Variants in RANBP9 observed in about 807,000 individuals in gnomAD.
The protein encoded by RANBP9 is RAN binding protein 9, also known as ran-binding protein 9.
A neutral mutation model predicts 84.3 loss-of-function variants in RANBP9; 15 were observed. The observed-to-expected ratio is 0.18, with a 90% CI of 0.12 to 0.27. The LOEUF (loss-of-function observed/expected upper bound fraction) is 0.27. Among genes scored for constraint, RANBP9 ranks in the 10% least tolerant of loss-of-function variants. The pLI is 1.00. For synonymous variants in RANBP9, 392 were observed against 349.6 expected (o/e 1.12, Z -1.35); for missense variants, 809 against 912.8 (o/e 0.89, Z 1.46).
chr6:13,666,324 T>A (rs1025448989), intron 2 of RANBP9, among the ~76,000 whole-genome samples: 1 of 150,618 alleles, frequency 6.6e-6, no homozygotes, highest in East Asian at 1.9e-4. Context: ...GACATACGAG[T>A]TTCAAAAAAA....
At chr6:13,706,741 C>T (rs1758134013) in intron 1 of RANBP9, among the ~76,000 whole-genome samples, 1 of 151,552 alleles carries the variant, frequency 6.6e-6, no homozygotes, top group South Asian at 2.1e-4. Flanking sequence ...GTGGCTCATG[C>T]CTGTAATCCC....
intron 2 of RANBP9, among the ~76,000 whole-genome samples, chr6:13,675,770 A>G (rs2113317341): frequency 6.6e-6 from 1 of 151,962 alleles, no homozygotes; most frequent in Admixed American, 6.5e-5. Context: ...ACCAAAATCA[A>G]AGACATAAGA....
chr6:13,707,770 A>T (rs1449927163), intron 1 of RANBP9, among the ~76,000 whole-genome samples: 2 of 152,230 alleles, frequency 1.3e-5, no homozygotes, highest in Admixed American at 1.3e-4. Context: ...AGAAAAATAT[A>T]AAAATGCAAT....
chr6:13,652,237 A>G (rs536887586), intron 5 of RANBP9, among the ~76,000 whole-genome samples: 5 of 152,316 alleles, frequency 3.3e-5, no homozygotes, highest in Admixed American at 6.5e-5. Context: ...TGAATACTAT[A>G]AAGTCCAAGA....
intron 5 of RANBP9, among the ~76,000 whole-genome samples, chr6:13,647,393 A>G (rs1232679304): frequency 1.3e-5 from 2 of 152,164 alleles, no homozygotes. Context: ...TAAAATATGA[A>G]AAAAATGTAC....
intron 13 of RANBP9, among the ~76,000 whole-genome samples, chr6:13,625,096 C>T (rs1490193786): frequency 1.3e-5 from 2 of 152,184 alleles, no homozygotes; most frequent in African/African-American, 2.4e-5. Context: ...CTTCCATTTT[C>T]ATTCTCTCCA....
At chr6:13,657,046 C>T (rs1248379536) in intron 4 of RANBP9, 63 bp downstream of exon 4, 3 of 1,397,912 alleles carry the variant, frequency 2.1e-6, no homozygotes, top group South Asian at 1.5e-5. Flanking sequence ...ATACAACTAC[C>T]ATCCTGGAAG....
chr6:13,710,712 T>C (rs1266422498), intron 1 of RANBP9, among the ~76,000 whole-genome samples: 2 of 152,220 alleles, frequency 1.3e-5, no homozygotes, highest in Admixed American at 6.5e-5. Flanking sequence ...CTTTCTACCC[T>C]GGGGCATTCT....
chr6:13,671,785 T>A (rs1185178927), intron 2 of RANBP9, among the ~76,000 whole-genome samples: 1 of 151,986 alleles, frequency 6.6e-6, no homozygotes, highest in African/African-American at 2.4e-5. Context: ...TACATCTCAA[T>A]ACAACTCTCA....
At chr6:13,657,332 G>T (rs559999999) in intron 3 of RANBP9, 56 bp from the exon 4 acceptor site, 13 of 1,413,602 alleles carry the variant, frequency 9.2e-6, no homozygotes, top group Middle Eastern at 1.8e-4. Flanking sequence ...TCTGTACTAG[G>T]TTTATTCACT....
chr6:13,627,001 C>T (rs1764627283), intron 12 of RANBP9, among the ~76,000 whole-genome samples: 1 of 152,212 alleles, frequency 6.6e-6, no homozygotes, highest in African/African-American at 2.4e-5. Context: ...ACACGTGCCT[C>T]TACGCAAACA....
At chr6:13,657,940 T>C (rs1352686097) in intron 3 of RANBP9, among the ~76,000 whole-genome samples, 4 of 152,224 alleles carry the variant, frequency 2.6e-5, no homozygotes, top group East Asian at 3.8e-4. Flanking sequence ...AGGTACTTCA[T>C]GTAGTTTGAC....
chr6:13,706,367 C>A (rs1239657050), intron 1 of RANBP9, among the ~76,000 whole-genome samples: 2 of 151,010 alleles, frequency 1.3e-5, no homozygotes. Context: ...AAAGTTCAAC[C>A]TATTTGGTTA....
intron 12 of RANBP9, among the ~76,000 whole-genome samples, chr6:13,627,944 C>T (rs1205240549): frequency 6.6e-6 from 1 of 152,038 alleles, no homozygotes; most frequent in Non-Finnish European, 1.5e-5. Context: ...CAAACCTGCA[C>T]ATCCTGCACA....
At chr6:13,631,086 G>A (rs1488460170) in intron 12 of RANBP9, among the ~76,000 whole-genome samples, 3 of 152,158 alleles carry the variant, frequency 2.0e-5, no homozygotes, top group Non-Finnish European at 4.4e-5. Flanking sequence ...GGGAATACAG[G>A]TGTGAGCCAC....
At chr6:13,660,992 T>C (rs938588684) in intron 2 of RANBP9, among the ~76,000 whole-genome samples, 3 of 152,222 alleles carry the variant, frequency 2.0e-5, no homozygotes, top group East Asian at 1.9e-4. Context: ...GAGCACTCAA[T>C]AGTGGCTCAA....
chr6:13,702,151 G>A (rs1443403749), intron 1 of RANBP9, among the ~76,000 whole-genome samples: 1 of 152,106 alleles, frequency 6.6e-6, no homozygotes, highest in Admixed American at 6.6e-5. Context: ...TACCTTAAAA[G>A]TAATAACAAG....
intron 2 of RANBP9, among the ~76,000 whole-genome samples, chr6:13,686,628 T>G (rs1562318563): frequency 6.6e-6 from 1 of 152,064 alleles, no homozygotes; most frequent in Non-Finnish European, 1.5e-5. Context: ...GGTCTCGAAC[T>G]ACTGGGCTCA....
At chr6:13,670,012 G>A (rs933119684) in intron 2 of RANBP9, among the ~76,000 whole-genome samples, 5 of 152,086 alleles carry the variant, frequency 3.3e-5, no homozygotes, top group South Asian at 4.2e-4. Context: ...AGCTGAGGTC[G>A]GGCACAGTGG....
Sources: gnomAD v4.1 joint callset for allele counts (sites outside exome capture counted in the v4.1 genomes callset) on GRCh38, gnomAD v4.1.1 for gene constraint, MANE v1.5 for transcripts, NCBI Gene and HGNC (gene_info 2026-07-23, HGNC 2026-07-21) for gene names.